Variants in C7 observed in about 807,000 individuals in gnomAD.
The protein encoded by C7 is complement component C7.
A neutral mutation model predicts 104.8 loss-of-function variants in C7; 83 were observed. The ratio of observed to expected loss-of-function variants is 0.79; its 90% CI spans 0.66 to 0.95. The LOEUF (loss-of-function observed/expected upper bound fraction) is 0.95. Ranked by LOEUF, C7 falls within the 40% of genes least tolerant of loss-of-function variation. The pLI, the probability that C7 is intolerant of heterozygous loss-of-function variation, is 0.00. For missense variants in C7, 1,070 were observed against 1,011.2 expected (o/e 1.06, Z -0.79); for synonymous variants, 415 against 360.6 (o/e 1.15, Z -1.71).
intron 13 of C7, 150 bp downstream of exon 13, chr5:40,962,322 G>A (rs1276934963): frequency 4.1e-6 from 2 of 484,212 alleles, no homozygotes; most frequent in East Asian, 3.0e-5. Flanking sequence ...GTTTTAGTGT[G>A]TGACTTTTTT....
Position 40,976,723 on chromosome 5 carries a change from G to T in C7, c.2075-27G>T. On this transcript the variant is annotated intron_variant, in intron 15 of 17. Transcript: ENST00000313164. ...ACTATGAAGAGGCTTTTCTCCTAAC[G>T]ACCACATCTCCCTTATCCTTTTTTA... is the stretch of plus-strand genomic sequence containing the variant. 3.3e-6 allele frequency: 5 copies of T among 1,529,462 alleles called. No homozygotes were observed. In the South Asian group the frequency reaches 3.6e-5, roughly 11 times the overall value. 94.7% of individuals were successfully genotyped at this position (1,529,462 alleles called of 1,614,324 possible).
intron 6 of C7, among the ~76,000 whole-genome samples, chr5:40,940,149 C>G (rs1241864436): frequency 6.6e-6 from 1 of 152,162 alleles, no homozygotes; most frequent in Non-Finnish European, 1.5e-5. Flanking sequence ...TGGAAAGTGA[C>G]TTTTGGCTTA....
intron 1 of C7, among the ~76,000 whole-genome samples, chr5:40,919,585 G>A (rs576208499): frequency 2.7e-4 from 41 of 152,084 alleles, no homozygotes; most frequent in Admixed American, 4.6e-4. Flanking sequence ...ATGACTGTGC[G>A]AGTGCACTCC....
intron 1 of C7, among the ~76,000 whole-genome samples, chr5:40,913,340 G>A (rs1467419676): frequency 6.6e-6 from 1 of 152,064 alleles, no homozygotes; most frequent in African/African-American, 2.4e-5. Context: ...TGATGGATCC[G>A]ATGGTAGTTC....
At position 40,910,791 on chromosome 5, in the gene C7, C is replaced by CAA. The variant is rs35542606; in HGVS notation, c.6+1188_6+1189dup. Among the ~76,000 whole-genome samples the CAA allele has an allele frequency of 4.0e-3, 355 of 88,484 alleles. 1 individual carries two copies. Among genetic ancestry groups the CAA allele is most frequent in the African/African-American group, 6.4e-3 (149 of 23,216 alleles). 58.0% of individuals were successfully genotyped at this position (88,484 alleles called of 152,430 possible). On this transcript the variant is annotated intron_variant, in intron 1 of 17. Transcript: ENST00000313164. Reference sequence around the variant, plus strand: ...TGGGCAATAAGGTGAGACTCTCTCTCAAAAAAAAAAAAAACAAAAAAAAAA... The same window carrying CAA: ...TGGGCAATAAGGTGAGACTCTCTCTCAAAAAAAAAAAAAAAACAAAAAAAAAA...
In C7 at chr5:40,971,337, T is replaced by C. The variant is rs145756913; in HGVS notation, c.1883-1066T>C. ...TGATTTGCATTTCTCTGGTGACCAG[T>C]GATGATGAGCATTTTTTCATATGTT... On this transcript the variant is annotated intron_variant, in intron 14 of 17. Coordinates refer to ENST00000313164, the MANE Select transcript of C7 (RefSeq NM_000587.4). Among the ~76,000 whole-genome samples the C allele has an allele frequency of 5.9e-3, 892 of 152,328 alleles. 32 individuals carry two copies. In the East Asian group the frequency reaches 0.091, roughly 16 times the overall value.
chr5:40,920,729 T>A (rs9292795), intron 1 of C7, among the ~76,000 whole-genome samples: 34,497 of 152,072 alleles, frequency 0.23, 4,098 homozygotes, highest in East Asian at 0.32. Context: ...TTATTCTTGC[T>A]TTTAAACAAC....
At chr5:40,974,185 A>G (rs1052083562) in intron 15 of C7, among the ~76,000 whole-genome samples, 2 of 152,098 alleles carry the variant, frequency 1.3e-5, no homozygotes, top group African/African-American at 2.4e-5. Flanking sequence ...CTGAAGCTCT[A>G]TATCCATTAA....
At chr5:40,914,896 T>C (rs1329506859) in intron 1 of C7, among the ~76,000 whole-genome samples, 2 of 152,126 alleles carry the variant, frequency 1.3e-5, no homozygotes, top group Non-Finnish European at 2.9e-5. Context: ...ATTCAGAGTT[T>C]GGCAGGACAC....
chr5:40,962,139 A>G lies in C7; in HGVS notation c.1716A>G (p.Pro572=). The part of the protein sequence containing the change: ...PLSLVPTEFC[P]SPPALKDGFV... ...CTTTGGTTCCAACAGAATTCTGTCCATCACCTCCTGCCTTGAAAGATGGAT... is the reference window on the plus strand; with the variant it reads ...CTTTGGTTCCAACAGAATTCTGTCCGTCACCTCCTGCCTTGAAAGATGGAT... Residue 572 remains proline, a synonymous_variant, in exon 13 of 18, where the codon CCA becomes CCG. Transcript: ENST00000313164. 6.4e-7 allele frequency: 1 copy of G among 1,571,346 alleles called. No homozygotes were observed. The highest frequency in any genetic ancestry group is 8.7e-7 in the Non-Finnish European group (1 of 1,154,600).
At chr5:40,955,300 T>C (rs1561251389) in intron 9 of C7, 87 bp from the exon 10 acceptor site, 2 of 1,242,488 alleles carry the variant, frequency 1.6e-6, no homozygotes, top group East Asian at 4.7e-5. Flanking sequence ...TTCCATAGTT[T>C]GGCTTTTTCC....
chr5:40,949,765 C>T lies in C7; in HGVS notation c.983-139C>T, dbSNP rs148771169. 1.0e-3 allele frequency: 664 copies of T among 633,564 alleles called. 3 individuals carry two copies. The African/African-American group carries it at 0.011, about 10-fold the overall frequency. The allele number at this position is 633,564 out of a possible 1,614,324, so 39.2% of individuals were successfully genotyped here. A position where few individuals can be genotyped will look rare whatever the true frequency, so the allele number is the denominator to read the frequency against. On this transcript the variant is annotated intron_variant, in intron 8 of 17. Coordinates refer to ENST00000313164, the MANE Select transcript of C7 (RefSeq NM_000587.4). ...TCTGATCTTTGACTCTTCTAGAGCA[C>T]TTGAAAATGTTCATATCATGTCACT... is the stretch of plus-strand genomic sequence containing the variant.
chr5:40,929,450 C>T (rs777531925), intron 2 of C7, among the ~76,000 whole-genome samples: 3 of 152,112 alleles, frequency 2.0e-5, no homozygotes, highest in South Asian at 2.1e-4. Flanking sequence ...TGGTACCATA[C>T]GAAAACCACA....
intron 12 of C7, among the ~76,000 whole-genome samples, chr5:40,961,201 G>A (rs1265943431): frequency 6.6e-6 from 1 of 152,084 alleles, no homozygotes; most frequent in African/African-American, 2.4e-5. Flanking sequence ...CATAATCTTG[G>A]ACAAGTTATT....
At chr5:40,957,036 C>T (rs968726009) in intron 10 of C7, among the ~76,000 whole-genome samples, 23 of 152,214 alleles carry the variant, frequency 1.5e-4, no homozygotes, top group African/African-American at 5.3e-4. Flanking sequence ...AGAAAAGGCA[C>T]TATGCAGGTA....
intron 9 of C7, among the ~76,000 whole-genome samples, chr5:40,952,983 T>C (rs1740206699): frequency 6.6e-6 from 1 of 152,068 alleles, no homozygotes; most frequent in South Asian, 2.1e-4. Flanking sequence ...AAATGCTGAT[T>C]CCAAAGGTTA....
intron 13 of C7, among the ~76,000 whole-genome samples, chr5:40,964,288 C>T (rs959311834): frequency 6.6e-6 from 1 of 151,920 alleles, no homozygotes; most frequent in African/African-American, 2.4e-5. Flanking sequence ...GGTGATCCAC[C>T]TGCCTTGGCC....
intron 1 of C7, among the ~76,000 whole-genome samples, chr5:40,913,483 A>T (rs1334184657): frequency 1.3e-5 from 2 of 151,878 alleles, no homozygotes; most frequent in East Asian, 3.9e-4. Flanking sequence ...ATTCCTACCA[A>T]CAACTGTTAT....
intron 9 of C7, among the ~76,000 whole-genome samples, chr5:40,952,908 G>A (rs1192736409): frequency 6.6e-6 from 1 of 152,120 alleles, no homozygotes; most frequent in African/African-American, 2.4e-5. Context: ...TTACATAGGT[G>A]TGCTGGCTAA....
Sources: gnomAD v4.1 joint callset for allele counts (sites outside exome capture counted in the v4.1 genomes callset) on GRCh38, gnomAD v4.1.1 for gene constraint, MANE v1.5 for transcripts, NCBI Gene and HGNC (gene_info 2026-07-23, HGNC 2026-07-21) for gene names.